Variants in QTMAN observed in about 807,000 individuals in gnomAD.
QTMAN encodes the protein queuosine-tRNA mannosyltransferase, also known as tRNA-queuosine alpha-mannosyltransferase.
the QTMAN span, among the ~76,000 whole-genome samples, chr2:143,994,600 T>G: frequency 6.6e-6 from 1 of 152,116 alleles, no homozygotes; most frequent in African/African-American, 2.4e-5. Flanking sequence ...ACATGGAAGA[T>G]CCTCAAAAAC....
At chr2:143,939,934 CTT>C in the QTMAN span, 5 of 152,166 alleles carry the variant, frequency 3.3e-5, no homozygotes, top group African/African-American at 1.2e-4. Flanking sequence ...ATGTTTGTCT[CTT>C]TCTCTTTCTT....
At chr2:144,190,720 T>C in the QTMAN span, among the ~76,000 whole-genome samples, 1 of 152,146 alleles carries the variant, frequency 6.6e-6, no homozygotes, top group Non-Finnish European at 1.5e-5. Flanking sequence ...TTTTTAATGA[T>C]GTAGAAGGAG....
chr2:144,135,527 C>A, the QTMAN span, among the ~76,000 whole-genome samples: 2 of 152,056 alleles, frequency 1.3e-5, no homozygotes, highest in Non-Finnish European at 1.5e-5. Context: ...TATCAAAATT[C>A]TTTCTTAAAA....
the QTMAN span, among the ~76,000 whole-genome samples, chr2:144,199,262 T>C: frequency 6.6e-6 from 1 of 152,308 alleles, no homozygotes; most frequent in South Asian, 2.1e-4. Flanking sequence ...TTGGCCAGGC[T>C]GGTCTCGAAC....
the QTMAN span, chr2:144,007,308 G>C: frequency 8.1e-6 from 13 of 1,612,964 alleles, no homozygotes; most frequent in African/African-American, 1.7e-4. Context: ...ATCTGACGAG[G>C]TGGATTTTTT....
the QTMAN span, among the ~76,000 whole-genome samples, chr2:144,137,804 A>G: frequency 1.3e-5 from 2 of 152,092 alleles, no homozygotes; most frequent in African/African-American, 2.4e-5. Flanking sequence ...TTCTTTGGCT[A>G]TGACAATACA....
At chr2:144,144,537 TTC>T in the QTMAN span, among the ~76,000 whole-genome samples, 51 of 152,104 alleles carry the variant, frequency 3.4e-4, no homozygotes, top group South Asian at 6.2e-4. Context: ...CATATTTTCC[TTC>T]TCTGTTTCAA....
At chr2:144,180,659 T>C in the QTMAN span, among the ~76,000 whole-genome samples, 1 of 152,228 alleles carries the variant, frequency 6.6e-6, no homozygotes, top group Non-Finnish European at 1.5e-5. Flanking sequence ...AAAAAACTGC[T>C]TGTACCTTTG....
the QTMAN span, among the ~76,000 whole-genome samples, chr2:144,055,658 G>GGCA: frequency 2.6e-5 from 4 of 152,094 alleles, no homozygotes; most frequent in African/African-American, 9.7e-5. Flanking sequence ...AGCTAGAGGG[G>GGCA]GCAGGAGTCA....
At chr2:144,232,263 AT>A in the QTMAN span, among the ~76,000 whole-genome samples, 1 of 152,332 alleles carries the variant, frequency 6.6e-6, no homozygotes, top group East Asian at 1.9e-4. Flanking sequence ...ATGAGAGAAA[AT>A]AACAGGTGAG....
At chr2:144,128,431 T>C in the QTMAN span, 5 of 152,028 alleles carry the variant, frequency 3.3e-5, no homozygotes, top group African/African-American at 9.7e-5. Flanking sequence ...CAGTGAAAAA[T>C]AGCCACAAGT....
chr2:144,011,640 TAAAAA>T, the QTMAN span: 45 of 884,120 alleles, frequency 5.1e-5, no homozygotes, highest in East Asian at 1.3e-4. Context: ...TCTATGCTAG[TAAAAA>T]AAAAAAAAAA....
At chr2:144,193,512 G>A in the QTMAN span, among the ~76,000 whole-genome samples, 3 of 150,070 alleles carry the variant, frequency 2.0e-5, no homozygotes, top group African/African-American at 7.3e-5. Context: ...TTACGTGTGT[G>A]TGTGTGTGTG....
At chr2:144,035,756 T>C in the QTMAN span, among the ~76,000 whole-genome samples, 29 of 152,312 alleles carry the variant, frequency 1.9e-4, no homozygotes, top group East Asian at 5.0e-3. Flanking sequence ...GAGAACAGAA[T>C]TGGCTTATAA....
chr2:144,138,130 G>A, the QTMAN span, among the ~76,000 whole-genome samples: 1 of 152,066 alleles, frequency 6.6e-6, no homozygotes, highest in Non-Finnish European at 1.5e-5. Flanking sequence ...AAAGGAGCCT[G>A]AGAAGCAGCA....
the QTMAN span, chr2:144,230,369 T>C: frequency 3.3e-5 from 5 of 152,162 alleles, no homozygotes; most frequent in East Asian, 9.6e-4. Flanking sequence ...AAATAGTCTA[T>C]CTTTAGCATT....
chr2:143,981,672 G>A, the QTMAN span, among the ~76,000 whole-genome samples: 1 of 151,846 alleles, frequency 6.6e-6, no homozygotes, highest in African/African-American at 2.4e-5. Flanking sequence ...TGTTTTTTTG[G>A]CTGACACAGA....
chr2:144,145,244 C>T, the QTMAN span, among the ~76,000 whole-genome samples: 1 of 151,678 alleles, frequency 6.6e-6, no homozygotes, highest in Non-Finnish European at 1.5e-5. Flanking sequence ...TAAGAGTTGA[C>T]TAACTGCACT....
chr2:143,987,651 T>C, the QTMAN span, among the ~76,000 whole-genome samples: 4 of 152,224 alleles, frequency 2.6e-5, no homozygotes, highest in Non-Finnish European at 5.9e-5. Flanking sequence ...CTTCCTCTCT[T>C]GGTATTTCCT....
Sources: allele counts gnomAD v4.1 joint callset (sites outside exome capture counted in the v4.1 genomes callset), GRCh38; gene constraint gnomAD v4.1.1; transcripts MANE v1.5; gene names NCBI Gene and HGNC (gene_info 2026-07-23, HGNC 2026-07-21).